The following NRG3 variants were observed in gnomAD, a reference collection of about 807,000 sequenced individuals.
The protein encoded by NRG3 is pro-neuregulin-3, membrane-bound isoform.
A neutral mutation model predicts 66.9 loss-of-function variants in NRG3; 31 were observed. That is an observed-to-expected ratio of 0.46 (90% CI 0.35 to 0.63). The LOEUF is 0.63. Ranked by LOEUF, NRG3 falls within the 20% of genes least tolerant of loss-of-function variation. NRG3 has a pLI of 0.00. For synonymous variants in NRG3, 393 were observed against 359.4 expected, an observed-to-expected ratio of 1.09 and a Z score of -1.06; for missense variants, 910 against 878.9, an observed-to-expected ratio of 1.04 and a Z score of -0.45.
intron 2 of NRG3, among the ~76,000 whole-genome samples, chr10:82,694,997 A>G (rs1398505786): frequency 2.0e-5 from 3 of 152,162 alleles, no homozygotes; most frequent in Admixed American, 6.5e-5. Flanking sequence ...TAAGGCAGCC[A>G]TTTACAATTA....
chr10:82,936,317 G>A (rs889022592), intron 4 of NRG3, among the ~76,000 whole-genome samples: 2 of 152,072 alleles, frequency 1.3e-5, no homozygotes, highest in Admixed American at 6.5e-5. Flanking sequence ...CATGAGCATG[G>A]GTGAAACTGA....
At chr10:82,298,185 A>G (rs1485977233) in intron 1 of NRG3, among the ~76,000 whole-genome samples, 2 of 144,638 alleles carry the variant, frequency 1.4e-5, no homozygotes, top group Non-Finnish European at 3.1e-5. Context: ...AAAGAGAGAG[A>G]TAATGACAGA....
intron 2 of NRG3, among the ~76,000 whole-genome samples, chr10:82,533,952 T>C (rs533945606): frequency 6.6e-6 from 1 of 152,272 alleles, no homozygotes; most frequent in South Asian, 2.1e-4. Flanking sequence ...TAGTTGCATT[T>C]CTATAGACTA....
At chr10:82,683,114 A>G (rs1376986092) in intron 2 of NRG3, among the ~76,000 whole-genome samples, 1 of 151,658 alleles carries the variant, frequency 6.6e-6, no homozygotes, top group Non-Finnish European at 1.5e-5. Context: ...GCCCACCACC[A>G]CGCCCGGCTA....
chr10:82,862,370 G>A (rs886143394), intron 3 of NRG3, among the ~76,000 whole-genome samples: 1 of 152,154 alleles, frequency 6.6e-6, no homozygotes, highest in Non-Finnish European at 1.5e-5. Flanking sequence ...CACAGGCATA[G>A]CTAGACTCAA....
chr10:82,089,724 C>A (rs570803030), intron 1 of NRG3, among the ~76,000 whole-genome samples: 1 of 152,134 alleles, frequency 6.6e-6, no homozygotes, highest in South Asian at 2.1e-4. Context: ...TGATTCCATA[C>A]CTTATTGATT....
chr10:82,153,122 A>G (rs2070906611), intron 1 of NRG3, among the ~76,000 whole-genome samples: 1 of 152,086 alleles, frequency 6.6e-6, no homozygotes, highest in Admixed American at 6.6e-5. Flanking sequence ...TATTTTTATC[A>G]GCTATGGTCA....
At chr10:82,393,740 C>T (rs1263904131) in intron 2 of NRG3, among the ~76,000 whole-genome samples, 1 of 152,136 alleles carries the variant, frequency 6.6e-6, no homozygotes, top group Admixed American at 6.5e-5. Context: ...GACCTCTGCT[C>T]CTGGCGTAGA....
rs1390418279 is a variant in NRG3, at chr10:82,959,058, C to T, written c.1267C>T (p.His423Tyr). ...MAKSENLVKS[H>Y]VQLQNYSKVE... ...AAAGTCAGAGAACTTGGTGAAGAGC[C>T]ATGTCCAGCTGCAAAATGTAAGTGA... is the stretch of plus-strand genomic sequence containing the variant. Residue 423 changes from histidine (H) to tyrosine (Y), a missense_variant, in exon 6 of 9, where the codon CAT becomes TAT. His to Tyr is a moderately conservative substitution (Grantham distance 83, BLOSUM62 2). Transcript: ENST00000372141. 2 of 1,602,570 alleles carry T rather than the reference C, an allele frequency of 1.2e-6. No individual in the cohort carries two copies. Among genetic ancestry groups the T allele is most frequent in the African/African-American group, 2.7e-5 (2 of 74,328 alleles).
At chr10:82,392,303 C>G (rs2086431324) in intron 2 of NRG3, among the ~76,000 whole-genome samples, 1 of 152,162 alleles carries the variant, frequency 6.6e-6, no homozygotes, top group South Asian at 2.1e-4. Context: ...ACAGGGTATG[C>G]TGTCCTCTAC....
chr10:82,813,490 A>G (rs752217807), intron 3 of NRG3, among the ~76,000 whole-genome samples: 1 of 152,178 alleles, frequency 6.6e-6, no homozygotes, highest in Non-Finnish European at 1.5e-5. Context: ...GTGGGATTAC[A>G]GATGTGAGCC....
chr10:82,482,858 G>A lies in NRG3; in HGVS notation c.953+123990G>A, dbSNP rs552241577. Among the ~76,000 whole-genome samples, 22 of 152,254 alleles carry A rather than the reference G, an allele frequency of 1.4e-4. No homozygotes were observed. The South Asian group carries it at 4.2e-3, about 29-fold the overall frequency. ...GTGGTTGATAATGATGTACCTACAG[G>A]ATTACAGTGTGGGGGCAAATGAGAG... On this transcript the variant is annotated intron_variant, in intron 2 of 8. Transcript: ENST00000372141.
At position 82,428,377 on chromosome 10, in the gene NRG3, C is replaced by T. The variant is rs1590092437; in HGVS notation, c.953+69509C>T. Among the ~76,000 whole-genome samples the T allele has an allele frequency of 5.0e-5, 5 of 99,556 alleles. No individual in the cohort carries two copies. In the South Asian group the frequency reaches 1.0e-3, roughly 21 times the overall value. The allele number at this position is 99,556 out of a possible 152,430, so 65.3% of individuals were successfully genotyped here. A position where few individuals can be genotyped will look rare whatever the true frequency, so the allele number is the denominator to read the frequency against. ...TAGCTGAATTTCATAATTGTTGGTA[C>T]GTTGTTTTTTCTGTTAATTGATCTG... On this transcript the variant is annotated intron_variant, in intron 2 of 8. Transcript: ENST00000372141.
At chr10:82,166,180 G>A (rs374358713) in intron 1 of NRG3, among the ~76,000 whole-genome samples, 47 of 151,982 alleles carry the variant, frequency 3.1e-4, no homozygotes, top group East Asian at 2.5e-3. Flanking sequence ...GCACCACCAC[G>A]CCCGGCTAAT....
intron 1 of NRG3, among the ~76,000 whole-genome samples, chr10:82,329,394 G>GT (rs992703910): frequency 1.5e-5 from 2 of 137,288 alleles, no homozygotes; most frequent in Admixed American, 7.1e-5. Flanking sequence ...TGAGTGCTAA[G>GT]TTTTTTTGTT....
At chr10:82,390,524 G>T (rs2086284322) in intron 2 of NRG3, among the ~76,000 whole-genome samples, 1 of 152,034 alleles carries the variant, frequency 6.6e-6, no homozygotes, top group Non-Finnish European at 1.5e-5. Context: ...CATCTGATTT[G>T]CCCGTGACAC....
At chr10:81,949,260 C>T (rs755299715) in intron 1 of NRG3, among the ~76,000 whole-genome samples, 16 of 152,160 alleles carry the variant, frequency 1.1e-4, no homozygotes, top group African/African-American at 2.7e-4. Context: ...TAAACAAAGA[C>T]GCTCTTATTA....
In NRG3 at chr10:82,084,308, G is replaced by A. The variant is rs372235732; in HGVS notation, c.823+208145G>A. Among the ~76,000 whole-genome samples, 93 of 152,152 alleles carry A rather than the reference G, an allele frequency of 6.1e-4. 1 individual carries two copies. Among genetic ancestry groups the A allele is most frequent in the African/African-American group, 2.1e-3 (86 of 41,522 alleles). ...AGAATCTCATACAGTTTTCATTTTTGCATATTACTTTTCAGTATATTCATT... is the reference window on the plus strand; with the variant it reads ...AGAATCTCATACAGTTTTCATTTTTACATATTACTTTTCAGTATATTCATT... On this transcript the variant is annotated intron_variant, in intron 1 of 8. Transcript: ENST00000372141.
At chr10:82,640,637 G>A (rs960888268) in intron 2 of NRG3, among the ~76,000 whole-genome samples, 2 of 152,172 alleles carry the variant, frequency 1.3e-5, no homozygotes, top group South Asian at 2.1e-4. Flanking sequence ...TATTAACTAG[G>A]TGTTTGCAAA....
Sources: allele counts gnomAD v4.1 joint callset (sites outside exome capture counted in the v4.1 genomes callset), GRCh38; gene constraint gnomAD v4.1.1; transcripts MANE v1.5; gene names NCBI Gene and HGNC (gene_info 2026-07-23, HGNC 2026-07-21).